GUCY1A2: variants seen among roughly 807,000 people sequenced by gnomAD.
GUCY1A2 encodes the protein guanylate cyclase 1 soluble subunit alpha 2.
Under a neutral mutation model 63.5 loss-of-function variants are expected in GUCY1A2, and 27 were observed. That is an observed-to-expected ratio of 0.43 (90% CI 0.31 to 0.59). The LOEUF (loss-of-function observed/expected upper bound fraction) is 0.59, where lower values mean the gene tolerates loss of function less well. Among genes scored for constraint, GUCY1A2 ranks in the 20% least tolerant of loss-of-function variants. GUCY1A2 has a pLI of 0.11. For missense variants in GUCY1A2, 768 were observed against 913.3 expected (o/e 0.84, Z 2.05); for synonymous variants, 364 against 343.5 (o/e 1.06, Z -0.66).
intron 4 of GUCY1A2, among the ~76,000 whole-genome samples, chr11:106,858,069 A>G (rs1371116042): frequency 6.6e-6 from 1 of 152,178 alleles, no homozygotes; most frequent in Non-Finnish European, 1.5e-5. Context: ...AATGTGCCCC[A>G]AATGTACCTT....
rs1357183774 is a variant in GUCY1A2 at position 106,683,318 on chromosome 11, A to C, written c.*4231T>G. 4.5e-6 allele frequency: 1 copy of C among 221,988 alleles called. No individual in the cohort carries two copies. Among genetic ancestry groups the C allele is most frequent in the Non-Finnish European group, 9.0e-6 (1 of 111,014 alleles). 13.8% of individuals were successfully genotyped at this position (221,988 alleles called of 1,614,324 possible). A position where few individuals can be genotyped will look rare whatever the true frequency, so the allele number is the denominator to read the frequency against. The stretch of plus-strand genomic sequence containing the variant: ...GGTTCTTGAACTTGAGTTTCTAGAT[A>C]TTGTCAGCTGAAAGACGCCTGGTGC... On this transcript the variant is annotated 3_prime_UTR_variant, in exon 8 of 8. Transcript: ENST00000526355.
chr11:106,934,790 G>T (rs1195640685), intron 4 of GUCY1A2, among the ~76,000 whole-genome samples: 4 of 152,146 alleles, frequency 2.6e-5, no homozygotes, highest in Non-Finnish European at 5.9e-5. Flanking sequence ...TATTTCAAAT[G>T]CTGGGTTCCT....
intron 7 of GUCY1A2, among the ~76,000 whole-genome samples, chr11:106,699,357 T>C (rs181271781): frequency 6.6e-6 from 1 of 152,346 alleles, no homozygotes; most frequent in East Asian, 1.9e-4. Context: ...TTTCACCTTA[T>C]AGTATTTTAG....
At chr11:106,842,289 T>G (rs2135444585) in intron 4 of GUCY1A2, among the ~76,000 whole-genome samples, 1 of 152,036 alleles carries the variant, frequency 6.6e-6, no homozygotes, top group Middle Eastern at 3.4e-3. Context: ...CATCCCTTAG[T>G]GGTTTCCTTA....
intron 3 of GUCY1A2, among the ~76,000 whole-genome samples, chr11:106,959,340 T>A (rs1219736273): frequency 6.6e-6 from 1 of 152,234 alleles, no homozygotes; most frequent in Admixed American, 6.5e-5. Context: ...TATGCTCTCA[T>A]GGCTTCTCTT....
intron 6 of GUCY1A2, among the ~76,000 whole-genome samples, chr11:106,714,003 C>CT (rs5794485): frequency 0.56 from 77,460 of 138,358 alleles, 20,372 homozygotes; most frequent in African/African-American, 0.65. Context: ...ATTTTACACT[C>CT]TTTTTTTCTT....
intron 6 of GUCY1A2, among the ~76,000 whole-genome samples, chr11:106,771,362 C>T (rs1404801534): frequency 6.6e-6 from 1 of 152,190 alleles, no homozygotes; most frequent in African/African-American, 2.4e-5. Context: ...TAAAGTAATA[C>T]ATTTCTCTGG....
intron 1 of GUCY1A2, among the ~76,000 whole-genome samples, chr11:107,011,624 T>C (rs12271191): frequency 0.056 from 8,200 of 146,848 alleles, 684 homozygotes; most frequent in African/African-American, 0.19. Flanking sequence ...AAAAGGAGTA[T>C]ATAATATATA....
At position 106,721,950 on chromosome 11, in the gene GUCY1A2, C is replaced by T. The variant is rs145836888; in HGVS notation, c.1837-13284G>A. On this transcript the variant is annotated intron_variant, in intron 6 of 7. Coordinates refer to ENST00000526355, the MANE Select transcript of GUCY1A2 (RefSeq NM_000855.3). ...CACAGATTTCTCAAATTTTGAGAAC[C>T]ATTACCTTAAGTTTCTTTTCAGTGC... is the stretch of plus-strand genomic sequence containing the variant. 7.9e-5 allele frequency among the ~76,000 whole-genome samples: 12 copies of T among 152,274 alleles called. No homozygotes were observed. In the East Asian group the frequency reaches 2.3e-3, roughly 29 times the overall value.
chr11:106,794,497 TACACAC>T (rs10560155), intron 5 of GUCY1A2, among the ~76,000 whole-genome samples: 3 of 150,116 alleles, frequency 2.0e-5, no homozygotes, highest in Admixed American at 6.7e-5. Context: ...ATGTCCTCAC[TACACAC>T]ACACACACAC....
At chr11:106,981,810 C>T (rs1057491336) in intron 2 of GUCY1A2, among the ~76,000 whole-genome samples, 1 of 151,872 alleles carries the variant, frequency 6.6e-6, no homozygotes, top group African/African-American at 2.4e-5. Context: ...ACGAACTGGG[C>T]ATGTTCACCA....
At chr11:106,838,620 A>G (rs1416509797) in intron 4 of GUCY1A2, among the ~76,000 whole-genome samples, 5 of 151,938 alleles carry the variant, frequency 3.3e-5, no homozygotes. Flanking sequence ...GCAAGATCAG[A>G]GCCTACTATA....
At chr11:107,013,701 T>A (rs914023714) in intron 1 of GUCY1A2, among the ~76,000 whole-genome samples, 1 of 151,776 alleles carries the variant, frequency 6.6e-6, no homozygotes, top group African/African-American at 2.4e-5. Flanking sequence ...GCGTGCATCA[T>A]CATGACCTGC....
chr11:106,813,827 T>C (rs954724610), intron 4 of GUCY1A2, among the ~76,000 whole-genome samples: 1 of 152,114 alleles, frequency 6.6e-6, no homozygotes, highest in Admixed American at 6.6e-5. Context: ...AACACATCTG[T>C]GAGTACTTGC....
chr11:106,897,455 G>A (rs568938210), intron 4 of GUCY1A2, among the ~76,000 whole-genome samples: 8 of 151,908 alleles, frequency 5.3e-5, no homozygotes, highest in African/African-American at 1.9e-4. Context: ...ACTTATTATA[G>A]AACCACAGAA....
chr11:106,699,357 T>G (rs181271781), intron 7 of GUCY1A2, among the ~76,000 whole-genome samples: 1 of 152,228 alleles, frequency 6.6e-6, no homozygotes, highest in Admixed American at 6.5e-5. Context: ...TTTCACCTTA[T>G]AGTATTTTAG....
chr11:106,833,028 T>C (rs1436318721), intron 4 of GUCY1A2, among the ~76,000 whole-genome samples: 4 of 152,156 alleles, frequency 2.6e-5, no homozygotes, highest in South Asian at 4.1e-4. Flanking sequence ...TCTGAGATCA[T>C]GGTGTTGACA....
chr11:106,958,229 A>AAGT (rs921607523), intron 3 of GUCY1A2, among the ~76,000 whole-genome samples: 3 of 152,192 alleles, frequency 2.0e-5, no homozygotes, highest in Admixed American at 6.5e-5. Flanking sequence ...TGAAGCCATC[A>AAGT]AGTACATGAG....
At chr11:106,714,047 A>T (rs1311650726) in intron 6 of GUCY1A2, among the ~76,000 whole-genome samples, 1 of 150,156 alleles carries the variant, frequency 6.7e-6, no homozygotes, top group African/African-American at 2.5e-5. Flanking sequence ...CAAACTCCAT[A>T]CTCCATACCA....
Sources: allele counts gnomAD v4.1 joint callset (sites outside exome capture counted in the v4.1 genomes callset), GRCh38; gene constraint gnomAD v4.1.1; transcripts MANE v1.5; gene names NCBI Gene and HGNC (gene_info 2026-07-23, HGNC 2026-07-21).